The following LIN52 variants were observed in gnomAD, a reference collection of about 807,000 sequenced individuals.
LIN52 encodes protein lin-52 homolog.
In LIN52, 4 loss-of-function variants were observed where a neutral mutation model predicts 18.5. The observed-to-expected ratio is 0.22, with a 90% CI of 0.11 to 0.49. The LOEUF (loss-of-function observed/expected upper bound fraction) is 0.49, where lower values mean the gene tolerates loss of function less well. LIN52 is among the 20% of genes least tolerant of loss of function. The probability of loss-of-function intolerance (pLI) is 0.97; values close to 1 mark genes in which losing one functional copy is unlikely to be tolerated. For synonymous variants in LIN52, 34 were observed against 45.5 expected (o/e 0.75, Z 1.02); for missense variants, 102 against 139.5 (o/e 0.73, Z 1.35).
intron 5 of LIN52, among the ~76,000 whole-genome samples, chr14:74,152,540 G>A (rs1476762593): frequency 6.6e-6 from 1 of 152,108 alleles, no homozygotes; most frequent in Non-Finnish European, 1.5e-5. Flanking sequence ...AGTTGGCAAA[G>A]GTCTGGACTA....
chr14:74,148,347 A>G (rs1399452113), intron 5 of LIN52, among the ~76,000 whole-genome samples: 1 of 152,158 alleles, frequency 6.6e-6, no homozygotes, highest in Non-Finnish European at 1.5e-5. Flanking sequence ...TATGTAAACC[A>G]ATGTGCTAGA....
At chr14:74,184,016 C>T (rs1276553466) in intron 5 of LIN52, among the ~76,000 whole-genome samples, 2 of 152,120 alleles carry the variant, frequency 1.3e-5, no homozygotes, top group Non-Finnish European at 2.9e-5. Flanking sequence ...CTTTTAATTT[C>T]TCTGTAACTG....
At chr14:74,095,648 T>TA (rs1415543935) in intron 2 of LIN52, among the ~76,000 whole-genome samples, 14 of 152,192 alleles carry the variant, frequency 9.2e-5, no homozygotes, top group Non-Finnish European at 2.9e-5. Flanking sequence ...TGGTAAGAGA[T>TA]ATTGTATCTT....
chr14:74,104,405 G>A (rs1326899138), intron 5 of LIN52, among the ~76,000 whole-genome samples: 2 of 151,692 alleles, frequency 1.3e-5, no homozygotes, highest in Non-Finnish European at 2.9e-5. Context: ...ATCTTTTTTA[G>A]CCTGTCATAC....
At chr14:74,124,068 T>A (rs1162988225) in intron 5 of LIN52, among the ~76,000 whole-genome samples, 1 of 152,218 alleles carries the variant, frequency 6.6e-6, no homozygotes, top group African/African-American at 2.4e-5. Flanking sequence ...TTTATTTATT[T>A]TTTTTACAAG....
intron 5 of LIN52, among the ~76,000 whole-genome samples, chr14:74,175,641 A>G (rs1272595537): frequency 6.6e-6 from 1 of 150,706 alleles, no homozygotes; most frequent in Non-Finnish European, 1.5e-5. Flanking sequence ...AGGCCGCAGT[A>G]AGCTATAATC....
intron 5 of LIN52, 68 bp downstream of exon 5, chr14:74,101,306 C>T (rs2060853532): frequency 3.8e-6 from 4 of 1,052,422 alleles, no homozygotes; most frequent in African/African-American, 1.7e-5. Context: ...ACCCTGAGCT[C>T]AGGTATTCCA....
chr14:74,175,464 C>T (rs1028871533), intron 5 of LIN52, among the ~76,000 whole-genome samples: 1 of 151,326 alleles, frequency 6.6e-6, no homozygotes, highest in African/African-American at 2.4e-5. Context: ...GTAGCGAGGC[C>T]CCAGGATCAC....
At chr14:74,168,708 T>A (rs570047997) in intron 5 of LIN52, among the ~76,000 whole-genome samples, 2 of 151,924 alleles carry the variant, frequency 1.3e-5, no homozygotes, top group South Asian at 4.2e-4. Flanking sequence ...TCAAACAGCA[T>A]TTAGAGTAAA....
intron 3 of LIN52, among the ~76,000 whole-genome samples, chr14:74,096,445 A>G (rs1335286543): frequency 6.6e-6 from 1 of 151,960 alleles, no homozygotes; most frequent in Admixed American, 6.6e-5. Context: ...CTCCTGCTCC[A>G]GCCTCCCATA....
At chr14:74,150,802 A>C (rs1026286454) in intron 5 of LIN52, among the ~76,000 whole-genome samples, 5 of 152,240 alleles carry the variant, frequency 3.3e-5, no homozygotes, top group African/African-American at 7.2e-5. Flanking sequence ...TGGGAAGCTC[A>C]TGAAAAAAGG....
At chr14:74,090,581 C>T (rs1447014166) in intron 1 of LIN52, among the ~76,000 whole-genome samples, 1 of 151,966 alleles carries the variant, frequency 6.6e-6, no homozygotes, top group Non-Finnish European at 1.5e-5. Flanking sequence ...GTGATTCACC[C>T]GTGTTGGCCT....
At chr14:74,144,579 A>T (rs891029773) in intron 5 of LIN52, among the ~76,000 whole-genome samples, 1 of 149,450 alleles carries the variant, frequency 6.7e-6, no homozygotes, top group Non-Finnish European at 1.5e-5. Context: ...AGGTCTATGA[A>T]ATCTACCTAT....
At chr14:74,118,390 TA>T (rs2139917743) in intron 5 of LIN52, among the ~76,000 whole-genome samples, 1 of 152,320 alleles carries the variant, frequency 6.6e-6, no homozygotes, top group South Asian at 2.1e-4. Flanking sequence ...ATAATGTATA[TA>T]AAGAAAAGCA....
At chr14:74,181,599 A>G (rs993526724) in intron 5 of LIN52, among the ~76,000 whole-genome samples, 13 of 152,172 alleles carry the variant, frequency 8.5e-5, no homozygotes, top group Admixed American at 2.6e-4. Flanking sequence ...CATTTAATAC[A>G]CATTTACTAT....
Position 74,172,096 on chromosome 14 carries a change from T to C in LIN52, c.284-26826T>C, listed in dbSNP as rs184588875. Among the ~76,000 whole-genome samples the C allele has an allele frequency of 6.9e-3, 1,045 of 152,310 alleles. 11 individuals are homozygous for C. The highest frequency in any genetic ancestry group is 0.024 in the African/African-American group (1,005 of 41,550). The stretch of plus-strand genomic sequence containing the variant: ...TCTTGGGAAATTTGTGTCTGTAATG[T>C]TTGAAACATTGAATGCTGTTTCTTC... On this transcript the variant is annotated intron_variant, in intron 5 of 5. Coordinates refer to ENST00000555028, the MANE Select transcript of LIN52 (RefSeq NM_001024674.3).
At chr14:74,148,472 C>G (rs2061162832) in intron 5 of LIN52, among the ~76,000 whole-genome samples, 1 of 152,018 alleles carries the variant, frequency 6.6e-6, no homozygotes, top group Admixed American at 6.6e-5. Flanking sequence ...TACTGATCCA[C>G]TTGAGGAGCA....
intron 5 of LIN52, among the ~76,000 whole-genome samples, chr14:74,107,128 A>C (rs1216089657): frequency 1.3e-5 from 2 of 152,192 alleles, no homozygotes; most frequent in Non-Finnish European, 2.9e-5. Flanking sequence ...TTGGTGTTTT[A>C]GTGATGAGAC....
At chr14:74,117,945 T>C (rs1032143424) in intron 5 of LIN52, among the ~76,000 whole-genome samples, 6 of 152,166 alleles carry the variant, frequency 3.9e-5, no homozygotes, top group Admixed American at 3.9e-4. Context: ...ATTTGAAAAA[T>C]AAAATAGAAG....
Sources: allele counts gnomAD v4.1 joint callset (sites outside exome capture counted in the v4.1 genomes callset), GRCh38; gene constraint gnomAD v4.1.1; transcripts MANE v1.5; gene names NCBI Gene and HGNC (gene_info 2026-07-23, HGNC 2026-07-21).